The following PPP1R12A variants were observed in gnomAD, a reference collection of about 807,000 sequenced individuals.
PPP1R12A encodes protein phosphatase 1 regulatory subunit 12A, also known as myosin binding subunit.
In PPP1R12A, 19 loss-of-function variants were observed where a neutral mutation model predicts 139.6. The ratio of observed to expected loss-of-function variants is 0.14; its 90% CI spans 0.09 to 0.20. The LOEUF is 0.20. Among genes scored for constraint, PPP1R12A ranks in the 10% least tolerant of loss-of-function variants. The pLI is 1.00. For synonymous variants in PPP1R12A, 427 were observed against 420.6 expected, an observed-to-expected ratio of 1.02 and a Z score of -0.19; for missense variants, 925 against 1,211.5, an observed-to-expected ratio of 0.76 and a Z score of 3.51.
intron 1 of PPP1R12A, among the ~76,000 whole-genome samples, chr12:79,903,688 G>A (rs376924814): frequency 2.2e-4 from 33 of 152,148 alleles, no homozygotes; most frequent in African/African-American, 7.7e-4. Context: ...TTGATACTGT[G>A]TCCATGTCTC....
intron 1 of PPP1R12A, among the ~76,000 whole-genome samples, chr12:79,917,967 G>A (rs576516484): frequency 3.3e-5 from 5 of 151,966 alleles, no homozygotes; most frequent in East Asian, 1.9e-4. Flanking sequence ...CTTGTAGATC[G>A]TTACTACTAC....
chr12:79,803,448 T>C (rs766503168), intron 14 of PPP1R12A, among the ~76,000 whole-genome samples: 5 of 152,176 alleles, frequency 3.3e-5, no homozygotes, highest in South Asian at 2.1e-4. Context: ...ATATAGGGTA[T>C]ATAATTTTAT....
chr12:79,806,196 G>A lies in PPP1R12A; in HGVS notation c.1793C>T (p.Thr598Met), dbSNP rs369799213. Residue 598 changes from threonine (T) to methionine (M), a missense_variant, in exon 13 of 25, where the codon ACG (threonine) becomes ATG (methionine). Thr to Met is a moderately conservative substitution (Grantham distance 81). Transcript: ENST00000450142. ...TTGTGTGCCTGCTGAGGAAGAACCC[G>A]TTGTAATCTTTGTAGTAGTGCTTGT... is the stretch of plus-strand genomic sequence containing the variant. ...SSTSTTTKIT[T>M]GSSSAGTQSS... 27 of 1,613,874 alleles carry A rather than the reference G, an allele frequency of 1.7e-5. No individual in the cohort carries two copies. The highest frequency in any genetic ancestry group is 9.9e-5 in the South Asian group (9 of 91,082).
intron 15 of PPP1R12A, among the ~76,000 whole-genome samples, chr12:79,798,035 T>A (rs557751434): frequency 5.3e-5 from 8 of 152,262 alleles, no homozygotes; most frequent in Admixed American, 3.3e-4. Flanking sequence ...GACATTTTCT[T>A]CATACTTGCA....
intron 8 of PPP1R12A, among the ~76,000 whole-genome samples, chr12:79,819,803 T>C: frequency 6.6e-6 from 1 of 152,062 alleles, no homozygotes; most frequent in East Asian, 1.9e-4. Context: ...ATGTGCATGG[T>C]AACATGTGCT....
chr12:79,840,004 C>T (rs1208182350), intron 3 of PPP1R12A, among the ~76,000 whole-genome samples: 3 of 152,098 alleles, frequency 2.0e-5, no homozygotes, highest in Non-Finnish European at 2.9e-5. Flanking sequence ...TTTATGCATT[C>T]CCATTATATG....
At chr12:79,894,651 TA>T (rs571656563) in intron 1 of PPP1R12A, among the ~76,000 whole-genome samples, 78 of 152,096 alleles carry the variant, frequency 5.1e-4, no homozygotes, top group African/African-American at 1.8e-3. Context: ...GATATTGCCT[TA>T]AAAAAAAGTC....
chr12:79,837,490 A>G (rs997671892), intron 3 of PPP1R12A, among the ~76,000 whole-genome samples: 2 of 152,198 alleles, frequency 1.3e-5, no homozygotes, highest in African/African-American at 4.8e-5. Flanking sequence ...TAAAAATATT[A>G]AACAATAATT....
In PPP1R12A at chr12:79,828,305, G is replaced by A. The variant is rs771213134; in HGVS notation, c.792+15C>T. The A allele has an allele frequency of 1.8e-5, 28 of 1,595,614 alleles. No individual in the cohort carries two copies. Among genetic ancestry groups the A allele is most frequent in the South Asian group, 6.9e-5 (6 of 87,304 alleles). On this transcript the variant is annotated intron_variant, in intron 5 of 24. Coordinates refer to ENST00000450142, the MANE Select transcript of PPP1R12A (RefSeq NM_002480.3). Reference sequence around the variant, plus strand: ...TCTAAAAGTTAAAGTATTAAAATACGTTTAAAACGCCTACCACTTTGTTGA... The same window carrying A: ...TCTAAAAGTTAAAGTATTAAAATACATTTAAAACGCCTACCACTTTGTTGA...
chr12:79,858,005 T>C (rs1447741692), intron 2 of PPP1R12A, among the ~76,000 whole-genome samples: 1 of 152,150 alleles, frequency 6.6e-6, no homozygotes, highest in Non-Finnish European at 1.5e-5. Context: ...AGGATATAAA[T>C]ACCCCAAATA....
intron 1 of PPP1R12A, among the ~76,000 whole-genome samples, chr12:79,912,142 C>T (rs964991633): frequency 3.3e-5 from 5 of 152,180 alleles, no homozygotes; most frequent in African/African-American, 9.7e-5. Context: ...ATCTCTCCAC[C>T]CTCGACCATC....
At chr12:79,848,284 G>T (rs147843548) in intron 2 of PPP1R12A, among the ~76,000 whole-genome samples, 4 of 152,228 alleles carry the variant, frequency 2.6e-5, no homozygotes, top group African/African-American at 7.2e-5. Flanking sequence ...AAGCAGAAAG[G>T]TAAGATATAG....
chr12:79,784,867 G>T (rs1038613560), intron 22 of PPP1R12A, among the ~76,000 whole-genome samples: 1 of 152,126 alleles, frequency 6.6e-6, no homozygotes, highest in African/African-American at 2.4e-5. Context: ...TCGAGCTCGT[G>T]ACCTCAGGTG....
chr12:79,910,654 G>A (rs185724777), intron 1 of PPP1R12A, among the ~76,000 whole-genome samples: 2 of 151,554 alleles, frequency 1.3e-5, no homozygotes, highest in East Asian at 3.9e-4. Context: ...TGCATTATTC[G>A]AACATGCATG....
chr12:79,811,022 C>A (rs1333758347), intron 9 of PPP1R12A, among the ~76,000 whole-genome samples: 1 of 152,046 alleles, frequency 6.6e-6, no homozygotes, highest in East Asian at 1.9e-4. Flanking sequence ...AAAAATGCAA[C>A]CTCTGTTATC....
chr12:79,907,532 ACAAAGATGAAAGTT>A (rs1886227579), intron 1 of PPP1R12A, among the ~76,000 whole-genome samples: 2 of 152,244 alleles, frequency 1.3e-5, no homozygotes, highest in South Asian at 4.1e-4. Context: ...GCAAGTGCCT[ACAAAGATGAAAGTT>A]CACTCTACAA....
At chr12:79,818,119 C>T (rs966031462) in intron 8 of PPP1R12A, among the ~76,000 whole-genome samples, 2 of 152,068 alleles carry the variant, frequency 1.3e-5, no homozygotes, top group Non-Finnish European at 2.9e-5. Flanking sequence ...ATAAGTGTCC[C>T]CATTCTTCAA....
intron 1 of PPP1R12A, among the ~76,000 whole-genome samples, chr12:79,930,955 A>G (rs1488644515): frequency 6.6e-6 from 1 of 152,212 alleles, no homozygotes; most frequent in Non-Finnish European, 1.5e-5. Context: ...GATTCTAAAG[A>G]TTAATACATC....
chr12:79,890,529 C>T (rs1447415930), intron 1 of PPP1R12A, among the ~76,000 whole-genome samples: 2 of 151,982 alleles, frequency 1.3e-5, no homozygotes, highest in South Asian at 2.1e-4. Context: ...AAATTTGAAC[C>T]GTTACTTCAG....
Sources: allele counts gnomAD v4.1 joint callset (sites outside exome capture counted in the v4.1 genomes callset), GRCh38; gene constraint gnomAD v4.1.1; transcripts MANE v1.5; gene names NCBI Gene and HGNC (gene_info 2026-07-23, HGNC 2026-07-21).